Variants in ZNF516 observed in about 807,000 individuals in gnomAD.
ZNF516 encodes zinc finger protein 516.
In ZNF516, 19 loss-of-function variants were observed where a neutral mutation model predicts 79.7. The observed-to-expected ratio is 0.24, with a 90% CI of 0.17 to 0.35. The LOEUF is 0.35. Ranked by LOEUF, ZNF516 falls within the 10% of genes least tolerant of loss-of-function variation. The pLI is 1.00. For missense variants in ZNF516, 1,678 were observed against 1,679.5 expected, an observed-to-expected ratio of 1.00 and a Z score of 0.02; for synonymous variants, 877 against 739.5, an observed-to-expected ratio of 1.19 and a Z score of -3.02.
chr18:76,380,052 C>T lies in ZNF516; in HGVS notation c.2062G>A (p.Gly688Ser). 1 of 1,613,950 alleles carries T rather than the reference C, an allele frequency of 6.2e-7. No homozygotes were observed. Residue 688 changes from glycine to serine, a missense_variant, in exon 4 of 7, where the codon GGT (glycine) becomes AGT (serine). Coordinates refer to ENST00000443185, the MANE Select transcript of ZNF516 (RefSeq NM_014643.4). ...CTGGAAGGGAACTCCACACCATCAC[C>T]AGGGACGGGCACCTCCTGCTTGGGG... ...FHPKQEVPVP[G>S]DGVEFPSSTG...
At chr18:76,377,904 T>C (rs1292885853) in intron 4 of ZNF516, among the ~76,000 whole-genome samples, 2 of 152,090 alleles carry the variant, frequency 1.3e-5, no homozygotes, top group East Asian at 3.9e-4. Flanking sequence ...TTAGTAGAGA[T>C]GGTGTCTCTC....
rs552864943 is a variant in ZNF516, at chr18:76,419,384, C to T, written c.1810+21861G>A. ...GGAAGGTGCAGCCAGACCAAAATAT[C>T]GTTACCTATGAGCAGTGATACCTTC... On this transcript the variant is annotated intron_variant, in intron 3 of 6. Transcript: ENST00000443185. 9.8e-5 allele frequency among the ~76,000 whole-genome samples: 15 copies of T among 152,340 alleles called. No homozygotes were observed. In the East Asian group the frequency reaches 2.9e-3, roughly 29 times the overall value.
upstream of ZNF516, chr18:76,496,169 C>T (rs866958469): frequency 1.4e-6 from 1 of 735,632 alleles, no homozygotes; most frequent in Non-Finnish European, 1.7e-6. Context: ...CGCGCGGGGG[C>T]GGGGGAGGGG....
intron 2 of ZNF516, 145 bp from the exon 3 acceptor site, chr18:76,443,356 G>A (rs1017881602): frequency 1.5e-5 from 6 of 400,602 alleles, no homozygotes; most frequent in Middle Eastern, 6.2e-4. Flanking sequence ...ACACACAGGC[G>A]AGAGCAGCTG....
chr18:76,376,920 C>T (rs2074796718), intron 4 of ZNF516, among the ~76,000 whole-genome samples: 1 of 152,170 alleles, frequency 6.6e-6, no homozygotes, highest in African/African-American at 2.4e-5. Context: ...ACCCAGCATC[C>T]ACAACAGCAC....
At chr18:76,382,107 G>A (rs1488932214) in intron 3 of ZNF516, among the ~76,000 whole-genome samples, 1 of 152,040 alleles carries the variant, frequency 6.6e-6, no homozygotes, top group Non-Finnish European at 1.5e-5. Flanking sequence ...ACTCCAGCCT[G>A]GGCAACAGAG....
chr18:76,411,032 C>T (rs939086984), intron 3 of ZNF516, among the ~76,000 whole-genome samples: 3 of 152,218 alleles, frequency 2.0e-5, no homozygotes, highest in African/African-American at 4.8e-5. Context: ...TCTAACACAG[C>T]TTTGCTGCTA....
At chr18:76,488,335 C>A (rs1237250605) in intron 1 of ZNF516, 5 of 806,992 alleles carry the variant, frequency 6.2e-6, no homozygotes, top group South Asian at 5.6e-5. Flanking sequence ...TCGCAGGCAG[C>A]CAGGAAAGGC....
At chr18:76,440,761 T>TGTGTGTGTGTGTGTGCGCGC (rs571461431) in intron 3 of ZNF516, among the ~76,000 whole-genome samples, 13 of 150,144 alleles carry the variant, frequency 8.7e-5, no homozygotes, top group African/African-American at 2.7e-4. Context: ...TGTGTGTGTG[T>TGTGTGTGTGTGTGTGCGCGC]GCGCGCACGC....
intron 1 of ZNF516, among the ~76,000 whole-genome samples, chr18:76,468,173 T>G (rs1913605443): frequency 6.6e-6 from 1 of 152,210 alleles, no homozygotes; most frequent in Non-Finnish European, 1.5e-5. Context: ...TACAGAAATG[T>G]GTTTTTTATG....
intron 1 of ZNF516, among the ~76,000 whole-genome samples, chr18:76,489,541 C>T (rs1439597724): frequency 6.7e-6 from 1 of 149,050 alleles, no homozygotes; most frequent in African/African-American, 2.5e-5. Context: ...TCAAAGACCT[C>T]TCTCATTCCC....
chr18:76,455,652 T>A (rs1482557022), intron 2 of ZNF516, among the ~76,000 whole-genome samples: 1 of 152,170 alleles, frequency 6.6e-6, no homozygotes, highest in East Asian at 1.9e-4. Context: ...TTCACCTTCA[T>A]GAAAACAAAC....
chr18:76,492,528 G>T (rs1915292854), intron 1 of ZNF516: 6 of 349,740 alleles, frequency 1.7e-5, no homozygotes, highest in South Asian at 1.1e-4. Flanking sequence ...AATCACATGT[G>T]AAGTTGGAAG....
intron 1 of ZNF516, among the ~76,000 whole-genome samples, chr18:76,487,479 A>C (rs1039727528): frequency 6.6e-6 from 1 of 152,250 alleles, no homozygotes; most frequent in Non-Finnish European, 1.5e-5. Context: ...CAGTTAGAAA[A>C]ATTAATTTTA....
intron 1 of ZNF516, among the ~76,000 whole-genome samples, chr18:76,475,655 G>A (rs988974801): frequency 2.6e-5 from 4 of 152,172 alleles, no homozygotes; most frequent in African/African-American, 9.7e-5. Context: ...GGCACCTCCT[G>A]CTGGCTGCTC....
rs543149954 is a variant in ZNF516 at position 76,379,021 on chromosome 18, G to A, written c.3093C>T (p.Gly1031=). ...GTAGGACGGGGGGCGCCCCAGCCACGCCGGGCTGGGCCTGCAAGGCCGCGT... is the reference window on the plus strand; with the variant it reads ...GTAGGACGGGGGGCGCCCCAGCCACACCGGGCTGGGCCTGCAAGGCCGCGT... ...RGDAALQAQP[G]VAGAPPVLHS... Residue 1031 remains glycine, a synonymous_variant, in exon 4 of 7, where the codon GGC becomes GGT. Coordinates refer to ENST00000443185, the MANE Select transcript of ZNF516 (RefSeq NM_014643.4). The A allele has an allele frequency of 4.4e-6, 7 of 1,604,128 alleles. No homozygotes were observed. Among genetic ancestry groups the A allele is most frequent in the African/African-American group, 2.7e-5 (2 of 73,452 alleles).
rs776977927 is a variant in ZNF516, at chr18:76,360,632, T to TAAAAAAAAAAA, written c.*1855_*1865dup. ...TGTAAGAATATCAGAAAAAAATAAG[T>TAAAAAAAAAAA]AAAAAAAAAAAAAAATATATATATA... On this transcript the variant is annotated 3_prime_UTR_variant, in exon 7 of 7. Coordinates refer to ENST00000443185, the MANE Select transcript of ZNF516 (RefSeq NM_014643.4). 35 of 25,702 alleles carry TAAAAAAAAAAA rather than the reference T, an allele frequency of 1.4e-3. 2 individuals are homozygous for TAAAAAAAAAAA. Among genetic ancestry groups the TAAAAAAAAAAA allele is most frequent in the Non-Finnish European group, 2.1e-3 (29 of 13,660 alleles). 1.6% of individuals were successfully genotyped at this position (25,702 alleles called of 1,614,324 possible).
chr18:76,403,278 G>A (rs1218309553), intron 3 of ZNF516, among the ~76,000 whole-genome samples: 1 of 152,188 alleles, frequency 6.6e-6, no homozygotes, highest in Non-Finnish European at 1.5e-5. Context: ...CTGTCTGCCT[G>A]ACCTGGTTCA....
chr18:76,464,253 T>G (rs1234014078), intron 1 of ZNF516, among the ~76,000 whole-genome samples: 1 of 152,122 alleles, frequency 6.6e-6, no homozygotes, highest in African/African-American at 2.4e-5. Context: ...GTGCCTGTAG[T>G]CCCAGTCACT....
Sources: gnomAD v4.1 joint callset for allele counts (sites outside exome capture counted in the v4.1 genomes callset) on GRCh38, gnomAD v4.1.1 for gene constraint, MANE v1.5 for transcripts, NCBI Gene and HGNC (gene_info 2026-07-23, HGNC 2026-07-21) for gene names.